Variants in SORBS2 observed in about 807,000 individuals in gnomAD.
The protein encoded by SORBS2 is sorbin and SH3 domain-containing protein 2.
Under a neutral mutation model 97.7 loss-of-function variants are expected in SORBS2, and 46 were observed. The observed-to-expected ratio is 0.47, with a 90% CI of 0.37 to 0.60. SORBS2 has a LOEUF of 0.60. Among genes scored for constraint, SORBS2 ranks in the 20% least tolerant of loss-of-function variants. The pLI, the probability that SORBS2 is intolerant of heterozygous loss-of-function variation, is 0.00. For synonymous variants in SORBS2, 476 were observed against 473.4 expected (o/e 1.01, Z -0.07); for missense variants, 1,316 against 1,282.3 (o/e 1.03, Z -0.40).
chr4:185,900,344 G>T (rs2099247067), intron 1 of SORBS2, among the ~76,000 whole-genome samples: 2 of 152,174 alleles, frequency 1.3e-5, no homozygotes, highest in African/African-American at 4.8e-5. Flanking sequence ...ACAGCCTTTA[G>T]GTTAACAACG....
At position 185,936,267 on chromosome 4, in the gene SORBS2, A is replaced by G. The variant is rs891133263; in HGVS notation, c.-338+19929T>C. On this transcript the variant is annotated intron_variant, in intron 1 of 20. Transcript: ENST00000284776. ...CTTCACAAGAAAAGCACCAAGGCACATGGTTTATCCTGGCTCTGGTTGGCT... is the reference window on the plus strand; with the variant it reads ...CTTCACAAGAAAAGCACCAAGGCACGTGGTTTATCCTGGCTCTGGTTGGCT... Among the ~76,000 whole-genome samples the G allele has an allele frequency of 9.2e-5, 14 of 152,336 alleles. No homozygotes were observed. The South Asian group carries it at 2.9e-3, about 32-fold the overall frequency.
chr4:185,945,470 G>A (rs770742110), intron 1 of SORBS2, among the ~76,000 whole-genome samples: 1 of 152,188 alleles, frequency 6.6e-6, no homozygotes, highest in Non-Finnish European at 1.5e-5. Context: ...AATGAAAAAT[G>A]ATGATGATTC....
chr4:185,908,596 G>A lies in SORBS2; in HGVS notation c.-338+47600C>T, dbSNP rs546261002. 2.0e-5 allele frequency among the ~76,000 whole-genome samples: 3 copies of A among 151,944 alleles called. No homozygotes were observed. In the South Asian group the frequency reaches 6.2e-4, roughly 32 times the overall value. On this transcript the variant is annotated intron_variant, in intron 1 of 20. Transcript: ENST00000284776. ...CAGAGAAGCGCTCAAAGGGATCGCC[G>A]AGTAATGATTCTGAAGCTGTACTGT...
rs61910743 is a variant in SORBS2 at position 185,623,725 on chromosome 4, G to C, written c.1404C>G (p.Pro468=). The C allele has an allele frequency of 0.089, 144,365 of 1,613,748 alleles. 6,950 individuals are homozygous for C. The highest frequency in any genetic ancestry group is 0.098 in the Non-Finnish European group (115,881 of 1,179,908). ...ACTGGCAGCCTCGCCGGCCCCGAGC[G>C]GGGGGGCCGCTTTGATTTTCTTCCT... The change falls in exon 7 of 15, where the codon CCC becomes CCG. Residue 468 remains proline, a synonymous_variant. Transcript: ENST00000418609. This position sits in a 1 kb window ranked among gnomAD's most constrained non-coding sequence, Gnocchi z 6.4.
At chr4:185,908,234 A>G (rs1362319661) in intron 1 of SORBS2, among the ~76,000 whole-genome samples, 2 of 134,362 alleles carry the variant, frequency 1.5e-5, no homozygotes, top group Admixed American at 1.4e-4. Context: ...ATCTATAGAT[A>G]AATTATGGTC....
intron 1 of SORBS2, among the ~76,000 whole-genome samples, chr4:185,785,156 C>G (rs1356085592): frequency 6.7e-6 from 1 of 149,240 alleles, no homozygotes; most frequent in Admixed American, 6.7e-5. Flanking sequence ...AATGTGTCCT[C>G]GGGACAGAAA....
chr4:185,941,569 G>A (rs969127698), intron 1 of SORBS2, among the ~76,000 whole-genome samples: 3 of 152,178 alleles, frequency 2.0e-5, no homozygotes, highest in Admixed American at 6.5e-5. Context: ...CTGACTTCCC[G>A]GGAAATGACC....
At chr4:185,731,401 TC>T (rs1350998482) in intron 2 of SORBS2, among the ~76,000 whole-genome samples, 1 of 152,060 alleles carries the variant, frequency 6.6e-6, no homozygotes, top group African/African-American at 2.4e-5. Flanking sequence ...TCAGTGAGAT[TC>T]TCTGATGCAA....
intron 4 of SORBS2, 54 bp downstream of exon 13, chr4:185,646,614 G>A (rs1197304864): frequency 9.4e-7 from 1 of 1,069,130 alleles, no homozygotes; most frequent in Non-Finnish European, 1.4e-6. Context: ...GGTTTATTGG[G>A]GAGCCCTGGG....
intron 1 of SORBS2, among the ~76,000 whole-genome samples, chr4:185,777,586 T>C (rs1252045708): frequency 6.6e-6 from 1 of 152,128 alleles, no homozygotes; most frequent in Non-Finnish European, 1.5e-5. Context: ...ATAGGAATAA[T>C]GCACAGAAAA....
chr4:185,684,735 T>G lies in SORBS2; in HGVS notation c.-197-5913A>C. On this transcript the variant is annotated intron_variant, in intron 2 of 20. Transcript: ENST00000284776. The surrounding 1 kb of genome is among the most constrained non-coding windows in gnomAD (Gnocchi z 4.2). Reference sequence around the variant, plus strand: ...GAAGCCATTCAAGTGCGACATTGTGTGAGTTAGTGATATTATACCTGCAGC... The same window carrying G: ...GAAGCCATTCAAGTGCGACATTGTGGGAGTTAGTGATATTATACCTGCAGC... The G allele has an allele frequency of 1.1e-4, 159 of 1,508,672 alleles. No homozygotes were observed. Among genetic ancestry groups the G allele is most frequent in the Non-Finnish European group, 1.3e-4 (143 of 1,108,320 alleles). The allele number at this position is 1,508,672 out of a possible 1,614,324, so 93.5% of individuals were successfully genotyped here. A position where few individuals can be genotyped will look rare whatever the true frequency, so the allele number is the denominator to read the frequency against.
chr4:185,724,811 C>CTTT (rs2098544287), intron 2 of SORBS2, among the ~76,000 whole-genome samples: 1 of 152,056 alleles, frequency 6.6e-6, no homozygotes, highest in South Asian at 2.1e-4. Context: ...AAAATTCTAC[C>CTTT]CATCTTTCAA....
chr4:185,615,176 G>C lies in SORBS2; in HGVS notation c.2352-17C>G, dbSNP rs370322871. 6.9e-7 allele frequency: 1 copy of C among 1,441,336 alleles called. No individual in the cohort carries two copies. The highest frequency in any genetic ancestry group is 1.4e-5 in the African/African-American group (1 of 71,512). The allele number at this position is 1,441,336 out of a possible 1,614,324, so 89.3% of individuals were successfully genotyped here. ...GACAACTCCCTGGAAGAGACACGTTGACATGGTCTTTTTGTGATGTACAGC... is the reference window on the plus strand; with the variant it reads ...GACAACTCCCTGGAAGAGACACGTTCACATGGTCTTTTTGTGATGTACAGC... On this transcript the variant is annotated splice_polypyrimidine_tract_variant and intron_variant, in intron 9 of 14. Coordinates refer to ENST00000418609, the Ensembl canonical transcript of SORBS2.
chr4:185,589,912 C>T, intron 13 of SORBS2, 127 bp from the exon 26 acceptor site: 1 of 646,268 alleles, frequency 1.5e-6, no homozygotes, highest in Admixed American at 2.3e-5. Context: ...GTGGTACAAG[C>T]CTGGTAAGCA....
At chr4:185,605,321 T>A (rs2096382245) in intron 12 of SORBS2, among the ~76,000 whole-genome samples, 1 of 152,352 alleles carries the variant, frequency 6.6e-6, no homozygotes, top group South Asian at 2.1e-4. Flanking sequence ...TTGCTCTTTT[T>A]GCCCAGAACG....
chr4:185,769,995 T>C (rs1258195700), intron 2 of SORBS2, among the ~76,000 whole-genome samples: 1 of 152,186 alleles, frequency 6.6e-6, no homozygotes, highest in African/African-American at 2.4e-5. Context: ...ATTTTTTTTC[T>C]TTTTTAGGTG....
At chr4:185,657,466 G>C, upstream of SORBS2, 1 of 1,563,576 alleles carries the variant, frequency 6.4e-7, no homozygotes, top group Non-Finnish European at 8.6e-7. Flanking sequence ...CCACGGGCCC[G>C]ATCCCTGGGT....
chr4:185,813,608 A>G (rs887505382), intron 1 of SORBS2, among the ~76,000 whole-genome samples: 9 of 152,170 alleles, frequency 5.9e-5, no homozygotes, highest in African/African-American at 2.2e-4. Context: ...CACGTTTCAG[A>G]ATCCTGCATT....
At chr4:185,781,800 G>A (rs573648933) in intron 1 of SORBS2, among the ~76,000 whole-genome samples, 7 of 152,392 alleles carry the variant, frequency 4.6e-5, no homozygotes, top group African/African-American at 1.4e-4. Context: ...GCCCAGTGGC[G>A]AATGCCATGC....
Sources: gnomAD v4.1 joint callset for allele counts (sites outside exome capture counted in the v4.1 genomes callset) on GRCh38, gnomAD v4.1.1 for gene constraint, Gnocchi (gnomAD v3.1) non-coding constraint, MANE v1.5 for transcripts, NCBI Gene and HGNC (gene_info 2026-07-23, HGNC 2026-07-21) for gene names.